The following DAB1 variants were observed in gnomAD, a reference collection of about 807,000 sequenced individuals.
DAB1 encodes disabled homolog 1.
DAB1 carries 15 observed loss-of-function variants against 64.6 expected under a neutral mutation model. That is an observed-to-expected ratio of 0.23 (90% CI 0.16 to 0.36). The LOEUF is 0.36. DAB1 is among the 10% of genes least tolerant of loss of function. The probability of loss-of-function intolerance (pLI) is 1.00; values close to 1 mark genes in which losing one functional copy is unlikely to be tolerated. For missense variants in DAB1, 596 were observed against 706.7 expected (o/e 0.84, Z 1.78); for synonymous variants, 235 against 251.9 (o/e 0.93, Z 0.64).
intron 2 of DAB1, among the ~76,000 whole-genome samples, chr1:57,286,999 T>G (rs962279343): frequency 6.6e-6 from 1 of 152,212 alleles, no homozygotes; most frequent in East Asian, 1.9e-4. Context: ...TATGATAAAA[T>G]TCAACATGCA....
intron 7 of DAB1, among the ~76,000 whole-genome samples, chr1:57,540,513 CTA>C (rs1644788720): frequency 6.6e-6 from 1 of 152,098 alleles, no homozygotes; most frequent in African/African-American, 2.4e-5. Flanking sequence ...TATTGCAGCC[CTA>C]TTTACAATAG....
intron 2 of DAB1, among the ~76,000 whole-genome samples, chr1:57,269,334 GC>G (rs753834894): frequency 2.6e-5 from 4 of 152,226 alleles, no homozygotes; most frequent in Admixed American, 2.6e-4. Context: ...TAACTTCTCA[GC>G]CCTTGTTCTT....
intron 5 of DAB1, among the ~76,000 whole-genome samples, chr1:58,046,067 C>T (rs1012332505): frequency 6.6e-6 from 1 of 151,852 alleles, no homozygotes; most frequent in Admixed American, 6.6e-5. Context: ...ACATAACTGG[C>T]ATAGAATAAA....
rs575259967 is a variant in DAB1 at position 57,223,535 on chromosome 1, C to T, written c.67+67429G>A. Among the ~76,000 whole-genome samples, 8 of 152,256 alleles carry T rather than the reference C, an allele frequency of 5.3e-5. No individual in the cohort carries two copies. In the East Asian group the frequency reaches 1.2e-3, roughly 22 times the overall value. On this transcript the variant is annotated intron_variant, in intron 2 of 14. Transcript: ENST00000371236. ...CTGGTCCCTATGCTCAGCAGAGCTACGTACATCATTAAGTAGAAAGAGACA... is the reference window on the plus strand; with the variant it reads ...CTGGTCCCTATGCTCAGCAGAGCTATGTACATCATTAAGTAGAAAGAGACA...
chr1:57,170,850 AC>A (rs1297398241), intron 2 of DAB1, among the ~76,000 whole-genome samples: 2 of 152,082 alleles, frequency 1.3e-5, no homozygotes, highest in Non-Finnish European at 2.9e-5. Flanking sequence ...CGTGGAGATC[AC>A]CCACAGGTGT....
At chr1:57,997,059 C>A (rs1434201677) in intron 5 of DAB1, among the ~76,000 whole-genome samples, 2 of 152,102 alleles carry the variant, frequency 1.3e-5, no homozygotes, top group Non-Finnish European at 2.9e-5. Context: ...TGGTTGCAGT[C>A]AGCACCAGGG....
intron 4 of DAB1, among the ~76,000 whole-genome samples, chr1:58,239,533 A>G (rs948117701): frequency 6.6e-6 from 1 of 152,160 alleles, no homozygotes; most frequent in African/African-American, 2.4e-5. Flanking sequence ...TGGAGTAAGG[A>G]AAAGGATGCT....
At chr1:57,139,714 A>T (rs1231928530) in intron 3 of DAB1, among the ~76,000 whole-genome samples, 1 of 152,144 alleles carries the variant, frequency 6.6e-6, no homozygotes, top group East Asian at 1.9e-4. Flanking sequence ...ATCAAATAGC[A>T]ATTAATTCCT....
intron 5 of DAB1, among the ~76,000 whole-genome samples, chr1:58,113,239 G>A (rs960927022): frequency 4.6e-5 from 7 of 152,120 alleles, no homozygotes; most frequent in African/African-American, 1.4e-4. Context: ...GAGATGAGAT[G>A]ATGGGCAGGA....
intron 4 of DAB1, among the ~76,000 whole-genome samples, chr1:58,170,578 A>C (rs1656111330): frequency 6.6e-6 from 1 of 152,172 alleles, no homozygotes; most frequent in African/African-American, 2.4e-5. Flanking sequence ...GAAAGACCCC[A>C]GCCTTTGTCA....
chr1:57,925,189 T>C (rs942402074), intron 5 of DAB1, among the ~76,000 whole-genome samples: 2 of 152,228 alleles, frequency 1.3e-5, no homozygotes, highest in African/African-American at 4.8e-5. Flanking sequence ...ACCTATGAAG[T>C]GCCTATCACC....
At chr1:58,527,415 AAC>A (rs1254892670) in intron 1 of DAB1, 4 of 759,056 alleles carry the variant, frequency 5.3e-6, no homozygotes, top group East Asian at 2.5e-5. Context: ...ATTTTTAAAA[AAC>A]AGTTTCATGG....
At chr1:58,088,854 T>G (rs1650474791) in intron 5 of DAB1, among the ~76,000 whole-genome samples, 1 of 152,018 alleles carries the variant, frequency 6.6e-6, no homozygotes, top group Non-Finnish European at 1.5e-5. Flanking sequence ...ATGAGAAAAG[T>G]CAGGGAAAGA....
At chr1:57,866,948 A>G (rs1654328565) in intron 1 of DAB1, 1 of 152,178 alleles carries the variant, frequency 6.6e-6, no homozygotes. Flanking sequence ...AGCACTGGAC[A>G]TGGTCACTAC....
At chr1:58,479,688 GAAC>G (rs1227843579) in intron 3 of DAB1, among the ~76,000 whole-genome samples, 1 of 152,166 alleles carries the variant, frequency 6.6e-6, no homozygotes, top group Non-Finnish European at 1.5e-5. Context: ...GGAAGCTAAT[GAAC>G]AACTGAGAAT....
chr1:57,984,154 A>C (rs1460631174), intron 5 of DAB1, among the ~76,000 whole-genome samples: 2 of 148,156 alleles, frequency 1.3e-5, no homozygotes, highest in African/African-American at 5.0e-5. Context: ...TAACAGTTGC[A>C]GGATTTCAGG....
chr1:57,486,587 A>G (rs976283472), intron 7 of DAB1, among the ~76,000 whole-genome samples: 3 of 152,186 alleles, frequency 2.0e-5, no homozygotes, highest in African/African-American at 7.2e-5. Flanking sequence ...GAAACAAGAG[A>G]TTGTGAAACT....
At chr1:58,493,349 A>G (rs541452712) in intron 3 of DAB1, among the ~76,000 whole-genome samples, 15 of 152,312 alleles carry the variant, frequency 9.8e-5, no homozygotes, top group Non-Finnish European at 1.6e-4. Context: ...CCCTTTGAAA[A>G]CTGGCACAAG....
intron 6 of DAB1, among the ~76,000 whole-genome samples, chr1:57,674,236 A>C (rs2101687786): frequency 6.6e-6 from 1 of 152,206 alleles, no homozygotes; most frequent in East Asian, 1.9e-4. Context: ...CTTTCTCATT[A>C]CAAGTCCAGC....
Sources: gnomAD v4.1 joint callset for allele counts (sites outside exome capture counted in the v4.1 genomes callset) on GRCh38, gnomAD v4.1.1 for gene constraint, MANE v1.5 for transcripts, NCBI Gene and HGNC (gene_info 2026-07-23, HGNC 2026-07-21) for gene names.